Variants in PLCB4 observed in about 807,000 individuals in gnomAD.
PLCB4 encodes the protein phospholipase C beta 4.
A neutral mutation model predicts 178.8 loss-of-function variants in PLCB4; 77 were observed. The ratio of observed to expected loss-of-function variants is 0.43; its 90% CI spans 0.36 to 0.52. The LOEUF is 0.52. Among genes scored for constraint, PLCB4 ranks in the 20% least tolerant of loss-of-function variants. The probability of loss-of-function intolerance (pLI) is 0.00; values close to 1 mark genes in which losing one functional copy is unlikely to be tolerated. For missense variants in PLCB4, 1,024 were observed against 1,453.4 expected (o/e 0.70, Z 4.80); for synonymous variants, 496 against 490.8 (o/e 1.01, Z -0.14).
intron 3 of PLCB4, among the ~76,000 whole-genome samples, chr20:9,255,961 C>T (rs2094230614): frequency 6.6e-6 from 1 of 151,992 alleles, no homozygotes; most frequent in African/African-American, 2.4e-5. Context: ...CACCATATTA[C>T]CTTTCTGAAT....
At chr20:9,386,996 A>T (rs1199759736) in intron 14 of PLCB4, among the ~76,000 whole-genome samples, 2 of 150,972 alleles carry the variant, frequency 1.3e-5, no homozygotes, top group Non-Finnish European at 2.9e-5. Context: ...GGTTCAAGCA[A>T]TTCTCATGCC....
At chr20:9,428,602 A>C (rs1054253108) in intron 28 of PLCB4, among the ~76,000 whole-genome samples, 1 of 152,216 alleles carries the variant, frequency 6.6e-6, no homozygotes, top group Non-Finnish European at 1.5e-5. Flanking sequence ...AGGAACCCAA[A>C]GGACTAAGAC....
At chr20:9,263,696 G>A (rs1016884020) in intron 3 of PLCB4, among the ~76,000 whole-genome samples, 6 of 152,194 alleles carry the variant, frequency 3.9e-5, no homozygotes, top group African/African-American at 7.2e-5. Flanking sequence ...TCAGCTAAGA[G>A]CTATCCCCTG....
intron 20 of PLCB4, among the ~76,000 whole-genome samples, chr20:9,404,760 C>T (rs890972285): frequency 1.3e-5 from 2 of 152,170 alleles, no homozygotes; most frequent in African/African-American, 4.8e-5. Context: ...GATCAAGGTT[C>T]CACGCAATCA....
chr20:9,236,758 T>A (rs1041052619), intron 3 of PLCB4, among the ~76,000 whole-genome samples: 5 of 152,338 alleles, frequency 3.3e-5, no homozygotes, highest in Admixed American at 3.3e-4. Context: ...AAACTAACAA[T>A]GTCAGATGAG....
At chr20:9,458,347 ATGTT>A (rs2043184499) in intron 34 of PLCB4, among the ~76,000 whole-genome samples, 1 of 152,206 alleles carries the variant, frequency 6.6e-6, no homozygotes, top group Non-Finnish European at 1.5e-5. Flanking sequence ...CTTAACTGGA[ATGTT>A]TGAGAATTAG....
intron 4 of PLCB4, among the ~76,000 whole-genome samples, chr20:9,322,119 T>G (rs996200819): frequency 1.4e-5 from 2 of 138,512 alleles, no homozygotes; most frequent in Non-Finnish European, 1.6e-5. Context: ...CCCAGGTAAT[T>G]TTTTTTTTTT....
chr20:9,419,750 G>A (rs911366240), intron 25 of PLCB4, 57 bp from the exon 26 acceptor site: 12 of 1,024,322 alleles, frequency 1.2e-5, no homozygotes, highest in Non-Finnish European at 1.7e-5. Context: ...TTCAACTAGC[G>A]AGTGTTTTAG....
Position 9,476,865 on chromosome 20 carries a change from G to C in PLCB4, c.3532+112G>C, listed in dbSNP as rs573063588. 7 of 707,276 alleles carry C rather than the reference G, an allele frequency of 9.9e-6. No homozygotes were observed. The East Asian group carries it at 1.1e-4, about 11-fold the overall frequency. The allele number at this position is 707,276 out of a possible 1,614,324, so 43.8% of individuals were successfully genotyped here. ...ATCTGGTCATAACTAATATCTGAAGGGTTTGGATTTAAAAGCTTGACTATT... is the reference window on the plus strand; with the variant it reads ...ATCTGGTCATAACTAATATCTGAAGCGTTTGGATTTAAAAGCTTGACTATT... On this transcript the variant is annotated intron_variant, in intron 39 of 39. Transcript: ENST00000378473.
chr20:9,475,333 A>C (rs1037931428), intron 38 of PLCB4, among the ~76,000 whole-genome samples: 1 of 152,230 alleles, frequency 6.6e-6, no homozygotes, highest in East Asian at 1.9e-4. Context: ...CATAATTTTT[A>C]AAAATCAGTT....
At chr20:9,085,388 T>G (rs982484755) in intron 1 of PLCB4, among the ~76,000 whole-genome samples, 2 of 152,182 alleles carry the variant, frequency 1.3e-5, no homozygotes, top group African/African-American at 4.8e-5. Flanking sequence ...AAATTTTAAA[T>G]CAGACATGTA....
intron 4 of PLCB4, among the ~76,000 whole-genome samples, chr20:9,310,950 G>A (rs1210302876): frequency 6.6e-6 from 1 of 152,124 alleles, no homozygotes; most frequent in Non-Finnish European, 1.5e-5. Flanking sequence ...TTCTAATTCT[G>A]TACTTTTCTA....
rs141139094 is a variant in PLCB4 at position 9,116,647 on chromosome 20, G to A, written c.-79+20305G>A. Among the ~76,000 whole-genome samples, 266 of 152,208 alleles carry A rather than the reference G, an allele frequency of 1.7e-3. 2 individuals carry two copies. The highest frequency in any genetic ancestry group is 3.4e-3 in the Middle Eastern group (1 of 294). On this transcript the variant is annotated intron_variant, in intron 2 of 39. Transcript: ENST00000378473. The stretch of plus-strand genomic sequence containing the variant: ...GCTTTATAGAAACTTTTGGTATGTG[G>A]TAGGTTGAAGTCTTGGCTATTTTTG...
chr20:9,209,856 C>A (rs939655552), intron 2 of PLCB4, among the ~76,000 whole-genome samples: 1 of 147,384 alleles, frequency 6.8e-6, no homozygotes, highest in South Asian at 2.2e-4. Context: ...CCCAGTTACT[C>A]GGGAAGCTGA....
At chr20:9,466,851 G>C (rs1423848721) in intron 35 of PLCB4, among the ~76,000 whole-genome samples, 2 of 152,204 alleles carry the variant, frequency 1.3e-5, no homozygotes, top group African/African-American at 4.8e-5. Context: ...TTTGTTCAAC[G>C]ATTGTGGAAG....
intron 3 of PLCB4, among the ~76,000 whole-genome samples, chr20:9,260,676 G>A (rs1318440154): frequency 6.6e-6 from 1 of 152,058 alleles, no homozygotes; most frequent in Non-Finnish European, 1.5e-5. Context: ...TAGGACTAGT[G>A]CTTGTGTCTC....
chr20:9,323,655 G>A (rs1435363360), intron 4 of PLCB4, among the ~76,000 whole-genome samples: 2 of 152,200 alleles, frequency 1.3e-5, no homozygotes, highest in Admixed American at 6.5e-5. Context: ...TGGCAGCTAT[G>A]GAGGTGTGTC....
At chr20:9,180,237 G>T (rs894476747) in intron 2 of PLCB4, among the ~76,000 whole-genome samples, 15 of 152,270 alleles carry the variant, frequency 9.9e-5, no homozygotes, top group African/African-American at 2.6e-4. Flanking sequence ...ATTATGGATA[G>T]TAATTATTAT....
chr20:9,153,528 A>G (rs1386640385), intron 2 of PLCB4, among the ~76,000 whole-genome samples: 4 of 152,158 alleles, frequency 2.6e-5, no homozygotes, highest in Non-Finnish European at 4.4e-5. Context: ...ACCTCCCGCC[A>G]TGATTCTGAG....
Sources: gnomAD v4.1 joint callset for allele counts (sites outside exome capture counted in the v4.1 genomes callset) on GRCh38, gnomAD v4.1.1 for gene constraint, MANE v1.5 for transcripts, NCBI Gene and HGNC (gene_info 2026-07-23, HGNC 2026-07-21) for gene names.